SUMF1: variants seen among roughly 807,000 people sequenced by gnomAD.
SUMF1 encodes sulfatase modifying factor 1.
Under a neutral mutation model 47.6 loss-of-function variants are expected in SUMF1, and 48 were observed. That is an observed-to-expected ratio of 1.01 (90% CI 0.80 to 1.28). The LOEUF (loss-of-function observed/expected upper bound fraction) is 1.28. Ranked by LOEUF, SUMF1 falls within the 50% of genes most tolerant of loss-of-function variation. The probability of loss-of-function intolerance (pLI) is 0.00; values close to 1 mark genes in which losing one functional copy is unlikely to be tolerated. For missense variants in SUMF1, 571 were observed against 485.4 expected (o/e 1.18, Z -1.66); for synonymous variants, 230 against 192.1 (o/e 1.20, Z -1.63).
chr3:4,082,155 T>C (rs1348854889), intron 8 of SUMF1, among the ~76,000 whole-genome samples: 2 of 152,160 alleles, frequency 1.3e-5, no homozygotes, highest in Non-Finnish European at 2.9e-5. Context: ...TAAAACTTTT[T>C]ATGTCTGAAA....
At chr3:4,151,475 GTA>G (rs1341187765) in intron 8 of SUMF1, among the ~76,000 whole-genome samples, 1 of 141,688 alleles carries the variant, frequency 7.1e-6, no homozygotes, top group Non-Finnish European at 1.5e-5. Context: ...ATGTATATAT[GTA>G]TATATGTGTA....
downstream of SUMF1, among the ~76,000 whole-genome samples, chr3:4,360,193 C>T (rs1005916840): frequency 1.9e-4 from 24 of 123,450 alleles, no homozygotes; most frequent in African/African-American, 7.4e-4. Flanking sequence ...TTATTTGCTA[C>T]CAATGTTTGT....
chr3:4,139,297 T>G lies in SUMF1; in HGVS notation c.1015-70552A>C, dbSNP rs116467404. Among the ~76,000 whole-genome samples, 1,019 of 152,002 alleles carry G rather than the reference T, an allele frequency of 6.7e-3. 14 individuals are homozygous for G. The highest frequency in any genetic ancestry group is 0.023 in the African/African-American group (965 of 41,490). The stretch of plus-strand genomic sequence containing the variant: ...GTTTCGTATCAGTCATTATTATAAA[T>G]GAAAAGATCAACCAACACTCATGTT... On this transcript the variant is annotated intron_variant and NMD_transcript_variant, in intron 8 of 12. Transcript: ENST00000448413.
chr3:4,103,692 G>C (rs1003360165), intron 8 of SUMF1, among the ~76,000 whole-genome samples: 1 of 152,074 alleles, frequency 6.6e-6, no homozygotes, highest in Non-Finnish European at 1.5e-5. Context: ...CACTTACTAT[G>C]TATCAGGTCC....
intron 8 of SUMF1, among the ~76,000 whole-genome samples, chr3:4,253,925 C>T (rs1321367834): frequency 9.3e-5 from 14 of 150,350 alleles, no homozygotes; most frequent in Non-Finnish European, 2.1e-4. Flanking sequence ...TGAGAACTGG[C>T]AGACTGCCTC....
chr3:4,288,805 A>AAC (rs1553617025), intron 8 of SUMF1, among the ~76,000 whole-genome samples: 1 of 29,484 alleles, frequency 3.4e-5, no homozygotes, highest in African/African-American at 2.0e-4. Context: ...CTCTGTCTAG[A>AAC]AAAAAAAAAA....
intron 7 of SUMF1, among the ~76,000 whole-genome samples, chr3:4,388,993 A>C (rs991397679): frequency 6.6e-6 from 1 of 152,214 alleles, no homozygotes; most frequent in African/African-American, 2.4e-5. Context: ...AATAAAATTT[A>C]GAAAACTCCA....
intron 8 of SUMF1, among the ~76,000 whole-genome samples, chr3:4,181,525 A>G (rs1363996710): frequency 1.3e-5 from 2 of 152,190 alleles, no homozygotes; most frequent in Admixed American, 1.3e-4. Flanking sequence ...TAGCTCTGCC[A>G]TTGGCTTGGG....
In SUMF1 at chr3:4,376,191, C is replaced by G. The variant is rs984333674; in HGVS notation, c.1014+139G>C. ...TTGTAACCAAATTTGAGATGACTGT[C>G]CTCCTTTTTTTCTGGTTTCAGTGGG... is the stretch of plus-strand genomic sequence containing the variant. On this transcript the variant is annotated intron_variant, in intron 8 of 8. Coordinates refer to ENST00000272902, the MANE Select transcript of SUMF1 (RefSeq NM_182760.4). 2.9e-6 allele frequency: 3 copies of G among 1,033,616 alleles called. No individual in the cohort carries two copies. The African/African-American group carries it at 4.7e-5, about 16-fold the overall frequency. 64.0% of individuals were successfully genotyped at this position (1,033,616 alleles called of 1,614,324 possible).
intron 8 of SUMF1, among the ~76,000 whole-genome samples, chr3:4,170,947 A>C (rs932193366): frequency 6.6e-6 from 1 of 152,202 alleles, no homozygotes; most frequent in African/African-American, 2.4e-5. Flanking sequence ...TAAGATGGAA[A>C]AGTTGAAAAA....
At chr3:4,131,166 T>A (rs1443593791) in intron 8 of SUMF1, among the ~76,000 whole-genome samples, 1 of 152,210 alleles carries the variant, frequency 6.6e-6, no homozygotes, top group East Asian at 1.9e-4. Flanking sequence ...CTGGGTGTTT[T>A]CTGACCCATC....
intron 8 of SUMF1, among the ~76,000 whole-genome samples, chr3:4,374,820 T>C (rs1700273175): frequency 6.6e-6 from 1 of 152,118 alleles, no homozygotes; most frequent in South Asian, 2.1e-4. Context: ...CGTGAACATG[T>C]AAATATATTG....
Position 4,103,785 on chromosome 3 carries a change from C to G in SUMF1, c.1015-35040G>C, listed in dbSNP as rs534249320. ...TACGTCCTCTCTACAGATAAGAAAA[C>G]TGAACAGAGGCCAAGAACCTTGCTC... On this transcript the variant is annotated intron_variant and NMD_transcript_variant, in intron 8 of 12. Transcript: ENST00000448413. 9.5e-4 allele frequency among the ~76,000 whole-genome samples: 145 copies of G among 152,182 alleles called. 2 individuals carry two copies. The South Asian group carries it at 0.029, about 30-fold the overall frequency.
intron 8 of SUMF1, among the ~76,000 whole-genome samples, chr3:4,113,837 T>G (rs1165932374): frequency 6.6e-6 from 1 of 152,076 alleles, no homozygotes; most frequent in African/African-American, 2.4e-5. Flanking sequence ...TACTGAAAGT[T>G]AATCCACAGA....
At chr3:4,088,053 TG>T (rs1406488424) in intron 8 of SUMF1, among the ~76,000 whole-genome samples, 1 of 151,998 alleles carries the variant, frequency 6.6e-6, no homozygotes, top group Non-Finnish European at 1.5e-5. Context: ...AGGAAGAAAA[TG>T]ATAACCTGTG....
At chr3:4,159,413 C>G (rs959981868) in intron 8 of SUMF1, among the ~76,000 whole-genome samples, 2 of 147,764 alleles carry the variant, frequency 1.4e-5, no homozygotes, top group African/African-American at 5.3e-5. Flanking sequence ...ACTAACAAAC[C>G]AGCAAAAAAA....
intron 8 of SUMF1, among the ~76,000 whole-genome samples, chr3:4,090,529 G>C (rs1242495088): frequency 6.6e-6 from 1 of 152,134 alleles, no homozygotes; most frequent in East Asian, 1.9e-4. Flanking sequence ...GGAAAAGAAT[G>C]AAGGGATGAA....
chr3:4,070,350 A>T (rs1368845150), intron 8 of SUMF1, among the ~76,000 whole-genome samples: 6 of 152,136 alleles, frequency 3.9e-5, no homozygotes, highest in Non-Finnish European at 8.8e-5. Context: ...AATCTCTTAA[A>T]ATATTATACA....
At chr3:4,124,559 T>C (rs1693613588) in intron 8 of SUMF1, among the ~76,000 whole-genome samples, 1 of 151,334 alleles carries the variant, frequency 6.6e-6, no homozygotes, top group Non-Finnish European at 1.5e-5. Context: ...CACAGTGCCA[T>C]AGTCCTAAAT....
Sources: gnomAD v4.1 joint callset for allele counts (sites outside exome capture counted in the v4.1 genomes callset) on GRCh38, gnomAD v4.1.1 for gene constraint, MANE v1.5 for transcripts, NCBI Gene and HGNC (gene_info 2026-07-23, HGNC 2026-07-21) for gene names.